RAD51B: variants seen among roughly 807,000 people sequenced by gnomAD.
The protein encoded by RAD51B is DNA repair protein RAD51 homolog 2.
In RAD51B, 38 loss-of-function variants were observed where a neutral mutation model predicts 42.2. The ratio of observed to expected loss-of-function variants is 0.90; its 90% CI spans 0.70 to 1.18. RAD51B has a LOEUF of 1.18. RAD51B is among the 50% of genes most tolerant of loss of function. The pLI, the probability that RAD51B is intolerant of heterozygous loss-of-function variation, is 0.00. For missense variants in RAD51B, 373 were observed against 400.7 expected (o/e 0.93, Z 0.59); for synonymous variants, 154 against 145.2 (o/e 1.06, Z -0.43).
intron 8 of RAD51B, among the ~76,000 whole-genome samples, chr14:68,383,390 A>G (rs1361432673): frequency 6.6e-6 from 1 of 152,154 alleles, no homozygotes; most frequent in Non-Finnish European, 1.5e-5. Flanking sequence ...ATCCTACAAT[A>G]AACAGGATGG....
rs1203977932 is a variant in RAD51B, at chr14:67,858,202, A to G, written c.316-6801A>G. On this transcript the variant is annotated intron_variant, in intron 4 of 10. Transcript: ENST00000471583. ...CAGTTGCCCTCTGCTGGTGAGGGCAAAGGGCCAGCGTGACAGCCTTCTGGG... is the reference window on the plus strand; with the variant it reads ...CAGTTGCCCTCTGCTGGTGAGGGCAGAGGGCCAGCGTGACAGCCTTCTGGG... The G allele has an allele frequency of 2.6e-5, 4 of 152,362 alleles. No individual in the cohort carries two copies. The East Asian group carries it at 5.8e-4, about 22-fold the overall frequency. The allele number at this position is 152,362 out of a possible 1,614,324, so 9.4% of individuals were successfully genotyped here.
chr14:68,187,255 G>T (rs968051558), intron 7 of RAD51B, among the ~76,000 whole-genome samples: 2 of 152,152 alleles, frequency 1.3e-5, no homozygotes, highest in African/African-American at 4.8e-5. Context: ...ACTGTTGAGT[G>T]CTGTTCTCAG....
chr14:68,405,186 G>A (rs894334119), intron 8 of RAD51B, among the ~76,000 whole-genome samples: 1 of 152,212 alleles, frequency 6.6e-6, no homozygotes, highest in African/African-American at 2.4e-5. Flanking sequence ...ATGAAGCTCA[G>A]CAAGATTTAA....
chr14:67,971,258 T>C (rs1595185199), intron 7 of RAD51B, among the ~76,000 whole-genome samples: 1 of 152,224 alleles, frequency 6.6e-6, no homozygotes, highest in East Asian at 1.9e-4. Context: ...AAAGATTTCT[T>C]GTGTTTGGTT....
intron 9 of RAD51B, among the ~76,000 whole-genome samples, chr14:68,451,092 A>G (rs192734819): frequency 3.3e-5 from 5 of 152,314 alleles, no homozygotes; most frequent in Admixed American, 3.3e-4. Context: ...CTCATTCTAT[A>G]GAATGCTCAG....
intron 7 of RAD51B, among the ~76,000 whole-genome samples, chr14:68,144,196 T>C (rs2078202506): frequency 6.6e-6 from 1 of 152,176 alleles, no homozygotes; most frequent in Non-Finnish European, 1.5e-5. Flanking sequence ...CCCAGAGAGC[T>C]CTTGGTCATT....
chr14:68,315,952 C>T (rs975085969), intron 8 of RAD51B, among the ~76,000 whole-genome samples: 1 of 152,174 alleles, frequency 6.6e-6, no homozygotes, highest in Non-Finnish European at 1.5e-5. Flanking sequence ...AACAGCATTG[C>T]TCTTTTCGTA....
intron 10 of RAD51B, chr14:68,497,067 AG>A: frequency 7.5e-7 from 1 of 1,325,000 alleles, no homozygotes; most frequent in Admixed American, 2.2e-5. Context: ...GCTTTATGCA[AG>A]CCTTCAACAT....
chr14:68,214,824 T>C lies in RAD51B; in HGVS notation c.757-77060T>C, dbSNP rs148896392. ...CCAGGACTCAATTTGTAAGCCTCTT[T>C]ATTGCATTGTGCTGTAGTAAAAAAT... On this transcript the variant is annotated intron_variant, in intron 7 of 10. Coordinates refer to ENST00000471583, the MANE Select transcript of RAD51B (RefSeq NM_133510.4). Among the ~76,000 whole-genome samples the C allele has an allele frequency of 3.0e-3, 456 of 152,330 alleles. 4 individuals carry two copies. Among genetic ancestry groups the C allele is most frequent in the African/African-American group, 0.01 (436 of 41,572 alleles).
chr14:68,562,378 C>A lies in RAD51B; in HGVS notation c.1037-32107C>A, dbSNP rs540839678. On this transcript the variant is annotated intron_variant, in intron 10 of 10. Transcript: ENST00000487270. ...AAGGTGGGAACCAAAGGCTCTTGAG[C>A]AAATGCAGAAAGGAAATGGACTTAT... The A allele has an allele frequency of 1.1e-5, 11 of 985,292 alleles. No homozygotes were observed. In the African/African-American group the frequency reaches 1.7e-4, roughly 16 times the overall value. 61.0% of individuals were successfully genotyped at this position (985,292 alleles called of 1,614,324 possible). A position where few individuals can be genotyped will look rare whatever the true frequency, so the allele number is the denominator to read the frequency against.
chr14:67,865,233 C>A, intron 5 of RAD51B, 94 bp downstream of exon 5: 6 of 1,200,796 alleles, frequency 5.0e-6, no homozygotes, highest in Non-Finnish European at 5.4e-6. Flanking sequence ...ACCACCCCTC[C>A]CCCTTGCCTT....
intron 7 of RAD51B, among the ~76,000 whole-genome samples, chr14:67,992,774 C>T (rs185172537): frequency 5.3e-4 from 80 of 151,626 alleles, no homozygotes; most frequent in African/African-American, 1.9e-3. Flanking sequence ...TTCTAGGAAG[C>T]ATTATTTATA....
intron 1 of RAD51B, among the ~76,000 whole-genome samples, chr14:67,821,490 G>A (rs927408870): frequency 6.6e-6 from 1 of 152,186 alleles, no homozygotes; most frequent in Non-Finnish European, 1.5e-5. Context: ...TAGGGTCTCA[G>A]TCTGTTCCCC....
At chr14:68,614,223 A>G (rs1422767123), downstream of RAD51B, among the ~76,000 whole-genome samples, 4 of 152,232 alleles carry the variant, frequency 2.6e-5, no homozygotes, top group Non-Finnish European at 5.9e-5. Context: ...TTGAAAAAAT[A>G]GATTCTGTAG....
intron 9 of RAD51B, among the ~76,000 whole-genome samples, chr14:68,425,733 AT>A (rs1249125528): frequency 6.6e-6 from 1 of 152,228 alleles, no homozygotes; most frequent in Admixed American, 6.5e-5. Context: ...ACCTGAAAAT[AT>A]GGAAGTGGCT....
chr14:68,541,605 GC>G, intron 10 of RAD51B: 3 of 985,400 alleles, frequency 3.0e-6, no homozygotes, highest in Non-Finnish European at 3.6e-6. Context: ...CCTGAAATTT[GC>G]CCATGTCACC....
chr14:68,342,472 A>G (rs1010849863), intron 8 of RAD51B, among the ~76,000 whole-genome samples: 1 of 152,094 alleles, frequency 6.6e-6, no homozygotes, highest in Non-Finnish European at 1.5e-5. Context: ...ATTGTCCTCC[A>G]CCAGCCATAG....
At chr14:68,088,638 GAGAC>G (rs1399931479) in intron 7 of RAD51B, among the ~76,000 whole-genome samples, 1 of 141,352 alleles carries the variant, frequency 7.1e-6, no homozygotes, top group South Asian at 2.4e-4. Context: ...GAGAGAGAGA[GAGAC>G]AGAGAGAGAG....
chr14:68,658,277 G>A (rs1311652368), intron 11 of RAD51B, among the ~76,000 whole-genome samples: 1 of 152,226 alleles, frequency 6.6e-6, no homozygotes, highest in Non-Finnish European at 1.5e-5. Flanking sequence ...TGCTACCAGT[G>A]CCATGTCAGT....
Sources: gnomAD v4.1 joint callset for allele counts (sites outside exome capture counted in the v4.1 genomes callset) on GRCh38, gnomAD v4.1.1 for gene constraint, MANE v1.5 for transcripts, NCBI Gene and HGNC (gene_info 2026-07-23, HGNC 2026-07-21) for gene names.